Variants in TXNDC5 observed in about 807,000 individuals in gnomAD.
The protein encoded by TXNDC5 is thioredoxin domain containing 5, also known as thioredoxin domain-containing protein 5.
TXNDC5 carries 44 observed loss-of-function variants against 52.6 expected under a neutral mutation model. The observed-to-expected ratio is 0.84, with a 90% CI of 0.66 to 1.08. The LOEUF (loss-of-function observed/expected upper bound fraction) is 1.08, where lower values mean the gene tolerates loss of function less well. Ranked by LOEUF, TXNDC5 falls within the 50% of genes least tolerant of loss-of-function variation. The pLI, the probability that TXNDC5 is intolerant of heterozygous loss-of-function variation, is 0.00. For synonymous variants in TXNDC5, 241 were observed against 234.4 expected, an observed-to-expected ratio of 1.03 and a Z score of -0.26; for missense variants, 600 against 565.5, an observed-to-expected ratio of 1.06 and a Z score of -0.62.
intron 8 of TXNDC5, among the ~76,000 whole-genome samples, chr6:7,884,885 G>A (rs1759907593): frequency 1.3e-5 from 2 of 152,064 alleles, no homozygotes. Context: ...AGATTTGATT[G>A]CTTATGGTCT....
At position 7,895,154 on chromosome 6, in the gene TXNDC5, C is replaced by G; in HGVS notation, c.568G>C (p.Gly190Arg). ...EPPSAPELKQ[G>R]LYELSASNFE... Reference sequence around the variant, plus strand: ...TTGCTTGCTGAGAGCTCATACAGCCCTTGCTTGAGCTCGGGGGCACTGGGC... The same window carrying G: ...TTGCTTGCTGAGAGCTCATACAGCCGTTGCTTGAGCTCGGGGGCACTGGGC... The change falls in exon 4 of 10, where the codon GGG (glycine) becomes CGG (arginine). Residue 190 changes from glycine (G) to arginine (R), a missense_variant. Physicochemically the swap from Gly to Arg is moderately radical, Grantham distance 125. Coordinates refer to ENST00000379757, the MANE Select transcript of TXNDC5 (RefSeq NM_030810.5). 1 of 1,613,872 alleles carries G rather than the reference C, an allele frequency of 6.2e-7. No individual in the cohort carries two copies. The highest frequency in any genetic ancestry group is 1.3e-5 in the African/African-American group (1 of 75,048).
intron 4 of TXNDC5, 65 bp downstream of exon 4, chr6:7,895,041 A>G (rs1384569986): frequency 6.4e-6 from 10 of 1,554,438 alleles, no homozygotes; most frequent in Non-Finnish European, 8.7e-6. Flanking sequence ...AGCAGGAAGG[A>G]AAAGCCCAGC....
At position 7,883,017 on chromosome 6, in the gene TXNDC5, T is replaced by C. The variant is rs1759821590; in HGVS notation, c.*127A>G. ...TTGGAAAACACACACACAAAGAAGATACCTCACGCTTAGTATGTTCTGCTT... is the reference window on the plus strand; with the variant it reads ...TTGGAAAACACACACACAAAGAAGACACCTCACGCTTAGTATGTTCTGCTT... On this transcript the variant is annotated 3_prime_UTR_variant, in exon 10 of 10. Coordinates refer to ENST00000379757, the MANE Select transcript of TXNDC5 (RefSeq NM_030810.5). The C allele has an allele frequency of 7.9e-7, 1 of 1,259,334 alleles. No homozygotes were observed. 78.0% of individuals were successfully genotyped at this position (1,259,334 alleles called of 1,614,324 possible). A position where few individuals can be genotyped will look rare whatever the true frequency, so the allele number is the denominator to read the frequency against.
At chr6:7,906,999 G>GGACT (rs940440555) in intron 1 of TXNDC5, among the ~76,000 whole-genome samples, 17 of 152,130 alleles carry the variant, frequency 1.1e-4, no homozygotes, top group Admixed American at 8.5e-4. Flanking sequence ...CTGGCAGTGG[G>GGACT]GACTGACTGA....
rs1759955784 is a variant in TXNDC5 at position 7,885,906 on chromosome 6, A to G, written c.1046+55T>C. The G allele has an allele frequency of 3.2e-6, 5 of 1,549,126 alleles. No individual in the cohort carries two copies. The South Asian group carries it at 3.4e-5, about 11-fold the overall frequency. On this transcript the variant is annotated intron_variant, in intron 8 of 9. Coordinates refer to ENST00000379757, the MANE Select transcript of TXNDC5 (RefSeq NM_030810.5). ...AGGGGTGGCAGATGAGCTGAAAAAC[A>G]TGATGTGACTTAGTACACATGGACA... is the stretch of plus-strand genomic sequence containing the variant.
chr6:7,903,714 A>G (rs1561814896), intron 2 of TXNDC5, among the ~76,000 whole-genome samples: 1 of 152,250 alleles, frequency 6.6e-6, no homozygotes, highest in Admixed American at 6.5e-5. Flanking sequence ...TCATTCCTCA[A>G]TTGAAACAAA....
intron 8 of TXNDC5, among the ~76,000 whole-genome samples, chr6:7,885,048 C>T (rs900888327): frequency 2.0e-5 from 3 of 152,188 alleles, no homozygotes; most frequent in African/African-American, 7.2e-5. Context: ...GATGGCTCCC[C>T]TTCAGCCAAA....
In TXNDC5 at chr6:7,883,026, C is replaced by G; in HGVS notation, c.*118G>C. The G allele has an allele frequency of 7.2e-7, 1 of 1,387,318 alleles. No individual in the cohort carries two copies. The highest frequency in any genetic ancestry group is 1.0e-6 in the Non-Finnish European group (1 of 1,002,170). 85.9% of individuals were successfully genotyped at this position (1,387,318 alleles called of 1,614,324 possible). A position where few individuals can be genotyped will look rare whatever the true frequency, so the allele number is the denominator to read the frequency against. On this transcript the variant is annotated 3_prime_UTR_variant, in exon 10 of 10. Transcript: ENST00000379757. The stretch of plus-strand genomic sequence containing the variant: ...ACACACACAAAGAAGATACCTCACG[C>G]TTAGTATGTTCTGCTTTCTGAACAG...
At chr6:7,886,069 T>C in intron 7 of TXNDC5, 26 bp from the exon 8 acceptor site, 1 of 1,603,004 alleles carries the variant, frequency 6.2e-7, no homozygotes, top group South Asian at 1.1e-5. Flanking sequence ...AAGCCACAGT[T>C]CAAGTACATC....
intron 1 of TXNDC5, 106 bp downstream of exon 1, chr6:7,910,408 C>G: frequency 8.4e-7 from 1 of 1,190,814 alleles, no homozygotes; most frequent in Non-Finnish European, 1.1e-6. Context: ...AGACCAGAGC[C>G]GTCGGCGTCC....
chr6:7,909,741 G>A (rs774747986), intron 1 of TXNDC5: 44 of 984,026 alleles, frequency 4.5e-5, no homozygotes, highest in Non-Finnish European at 4.9e-5. Context: ...TCCCGGGGTA[G>A]CTCAGCAACC....
At chr6:7,888,513 T>C (rs1760077326) in intron 7 of TXNDC5, among the ~76,000 whole-genome samples, 192 bp downstream of exon 7, 1 of 152,244 alleles carries the variant, frequency 6.6e-6, no homozygotes, top group African/African-American at 2.4e-5. Flanking sequence ...TTTGTTTGCA[T>C]TCGCCCCTGA....
intron 3 of TXNDC5, among the ~76,000 whole-genome samples, chr6:7,895,838 T>A (rs561246521): frequency 3.3e-5 from 5 of 151,562 alleles, no homozygotes; most frequent in South Asian, 2.1e-4. Context: ...AAAAAAAAAA[T>A]TTTATTTACC....
intron 1 of TXNDC5, among the ~76,000 whole-genome samples, chr6:7,907,814 C>T (rs868412730): frequency 6.6e-6 from 1 of 152,118 alleles, no homozygotes; most frequent in African/African-American, 2.4e-5. Flanking sequence ...TTGATCTTGC[C>T]CCTGCTGACC....
At chr6:7,886,239 A>G (rs1004190704) in intron 7 of TXNDC5, among the ~76,000 whole-genome samples, 196 bp from the exon 8 acceptor site, 7 of 152,244 alleles carry the variant, frequency 4.6e-5, no homozygotes, top group African/African-American at 1.2e-4. Flanking sequence ...TCTGAAGGGC[A>G]GAGAGATCAA....
At chr6:7,899,736 A>G (rs185625118) in intron 2 of TXNDC5, 55 bp from the exon 3 acceptor site, 149 of 1,440,034 alleles carry the variant, frequency 1.0e-4, no homozygotes, top group Middle Eastern at 1.7e-4. Context: ...CTTATCAGAG[A>G]GCAAACTCAT....
rs1023104152 is a variant in TXNDC5 at position 7,886,163 on chromosome 6, A to G, written c.964-120T>C. 12 of 776,466 alleles carry G rather than the reference A, an allele frequency of 1.5e-5. No individual in the cohort carries two copies. The African/African-American group carries it at 2.1e-4, about 14-fold the overall frequency. The allele number at this position is 776,466 out of a possible 1,614,324, so 48.1% of individuals were successfully genotyped here. A position where few individuals can be genotyped will look rare whatever the true frequency, so the allele number is the denominator to read the frequency against. On this transcript the variant is annotated intron_variant, in intron 7 of 9. Transcript: ENST00000379757. ...TAAAAATGCAGTTACGTAGGCTCCA[A>G]GGTCACACAGAAATACCTACACAAT...
intron 3 of TXNDC5, among the ~76,000 whole-genome samples, chr6:7,897,901 A>G (rs1049924340): frequency 2.6e-5 from 4 of 152,226 alleles, no homozygotes; most frequent in African/African-American, 7.2e-5. Flanking sequence ...ACAATGTCCA[A>G]TTGAAAACTA....
At chr6:7,899,793 C>T in intron 2 of TXNDC5, 112 bp from the exon 3 acceptor site, 1 of 661,274 alleles carries the variant, frequency 1.5e-6, no homozygotes, top group Admixed American at 2.8e-5. Flanking sequence ...TGCAGCCAGG[C>T]ATGTATCTGC....
Sources: allele counts gnomAD v4.1 joint callset (sites outside exome capture counted in the v4.1 genomes callset), GRCh38; gene constraint gnomAD v4.1.1; transcripts MANE v1.5; gene names NCBI Gene and HGNC (gene_info 2026-07-23, HGNC 2026-07-21).